The following CACNA1G variants were observed in gnomAD, a reference collection of about 807,000 sequenced individuals.
CACNA1G encodes the protein calcium voltage-gated channel subunit alpha1 G.
CACNA1G carries 67 observed loss-of-function variants against 219.4 expected under a neutral mutation model. That is an observed-to-expected ratio of 0.31 (90% CI 0.25 to 0.37). The LOEUF (loss-of-function observed/expected upper bound fraction) is 0.37, where lower values mean the gene tolerates loss of function less well. Among genes scored for constraint, CACNA1G ranks in the 10% least tolerant of loss-of-function variants. The probability of loss-of-function intolerance (pLI) is 1.00; values close to 1 mark genes in which losing one functional copy is unlikely to be tolerated. For synonymous variants in CACNA1G, 1,296 were observed against 1,345.3 expected (o/e 0.96, Z 0.80); for missense variants, 2,380 against 3,231.4 (o/e 0.74, Z 6.39).
Position 50,572,091 on chromosome 17 carries a change from AC to A in CACNA1G, c.746+61del, listed in dbSNP as rs896791789. On this transcript the variant is annotated intron_variant, in intron 5 of 37. Transcript: ENST00000359106. ...CCTGGGAGTGGTTATGGGGCTGGGC[AC>A]CCCCCCAAGTTCCTCACTTCCGGTT... 63 of 1,560,406 alleles carry A rather than the reference AC, an allele frequency of 4.0e-5. No individual in the cohort carries two copies. The Middle Eastern group carries it at 1.0e-3, about 25-fold the overall frequency.
intron 22 of CACNA1G, among the ~76,000 whole-genome samples, chr17:50,605,310 C>T (rs1237063338): frequency 1.3e-5 from 2 of 152,284 alleles, no homozygotes; most frequent in East Asian, 1.9e-4. Flanking sequence ...GACCTGGGTT[C>T]GAGCTCCCTT....
At chr17:50,579,257 A>G (rs1198195791) in intron 9 of CACNA1G, among the ~76,000 whole-genome samples, 1 of 152,182 alleles carries the variant, frequency 6.6e-6, no homozygotes, top group Non-Finnish European at 1.5e-5. Context: ...GCTGTCTTCA[A>G]ATATTTGAAG....
At chr17:50,623,184 C>G (rs945114466) in intron 35 of CACNA1G, among the ~76,000 whole-genome samples, 12 of 149,058 alleles carry the variant, frequency 8.1e-5, no homozygotes, top group African/African-American at 2.7e-4. Flanking sequence ...TAGCTTTGAC[C>G]CCCCCGGCTC....
At chr17:50,565,382 T>TGAG (rs1555632629) in intron 1 of CACNA1G, among the ~76,000 whole-genome samples, 4,775 of 113,232 alleles carry the variant, frequency 0.042, 123 homozygotes, top group Non-Finnish European at 0.056. Context: ...GCTTGTGGGG[T>TGAG]GGGGCGGGGG....
rs1597890004 is a variant in CACNA1G, at chr17:50,560,965, T to A, written c.-495T>A. 1.9e-5 allele frequency: 1 copy of A among 53,234 alleles called. No homozygotes were observed. Among genetic ancestry groups the A allele is most frequent in the Non-Finnish European group, 3.2e-5 (1 of 31,398 alleles). The allele number at this position is 53,234 out of a possible 1,614,324, so 3.3% of individuals were successfully genotyped here. On this transcript the variant is annotated 5_prime_UTR_variant, in exon 1 of 38. Transcript: ENST00000359106. ...CCAAGCCCACCCCTAAAGAGATCCC[T>A]CCTCCCCTCCCCCGCCGCCTGGCGC...
At chr17:50,580,332 C>T (rs557946136) in intron 9 of CACNA1G, among the ~76,000 whole-genome samples, 1 of 152,100 alleles carries the variant, frequency 6.6e-6, no homozygotes, top group African/African-American at 2.4e-5. Flanking sequence ...TCCCATTACT[C>T]AGGCTCCCTG....
Position 50,626,392 on chromosome 17 carries a change from A to G in CACNA1G, c.6775A>G (p.Thr2259Ala), listed in dbSNP as rs1256508579. Residue 2259 changes from threonine to alanine, a missense_variant, in exon 38 of 38, where the codon ACG (threonine) becomes GCG (alanine). Physicochemically the swap from Thr to Ala is moderately conservative, Grantham distance 58. Around this residue, in one of 17 missense-constraint regions of CACNA1G, gnomAD observed 672 missense variants for 670.5 expected, o/e 1.00. Transcript: ENST00000359106. This position sits in a 1 kb window ranked among gnomAD's most constrained non-coding sequence, Gnocchi z 4.3. ...VEAQSCQRRP[T>A]SWLDEQRRHS... ...GGCCCAGAGCTGCCAGCGCCGGCCT[A>G]CGTCCTGGCTGGATGAGCAGAGGAG... The G allele has an allele frequency of 2.5e-6, 4 of 1,611,694 alleles. No homozygotes were observed. Among genetic ancestry groups the G allele is most frequent in the African/African-American group, 1.3e-5 (1 of 74,888 alleles).
In CACNA1G at chr17:50,617,875, G is replaced by A; in HGVS notation, c.5172G>A (p.Lys1724=). The stretch of plus-strand genomic sequence containing the variant: ...GTTCTGCAGTGCTGAAGCTGCTGAA[G>A]ATGGCTGTGGGCATGCGGGCGCTGC... ...LRIARVLKLL[K]MAVGMRALLD... is the part of the protein sequence containing the mutation. Residue 1724 remains lysine, a synonymous_variant, in exon 30 of 38, where the codon AAG becomes AAA. Coordinates refer to ENST00000359106, the MANE Select transcript of CACNA1G (RefSeq NM_018896.5). The surrounding 1 kb of genome is among the most constrained non-coding windows in gnomAD (Gnocchi z 5.8). 1 of 1,613,742 alleles carries A rather than the reference G, an allele frequency of 6.2e-7. No homozygotes were observed. Among genetic ancestry groups the A allele is most frequent in the South Asian group, 1.1e-5 (1 of 91,070 alleles).
chr17:50,601,120 C>T lies in CACNA1G; in HGVS notation c.3861C>T (p.Phe1287=). The T allele has an allele frequency of 1.9e-6, 3 of 1,613,976 alleles. No homozygotes were observed. The highest frequency in any genetic ancestry group is 2.2e-5 in the South Asian group (2 of 91,086). The stretch of plus-strand genomic sequence containing the variant: ...ACCACGTGGTCCTTGTCATCATCTT[C>T]CTTAACTGCATCACCATCGCCATGG... ...MFDHVVLVII[F]LNCITIAMER... The change falls in exon 19 of 38, where the codon TTC becomes TTT. Residue 1287 remains phenylalanine (F), a synonymous_variant. Coordinates refer to ENST00000359106, the MANE Select transcript of CACNA1G (RefSeq NM_018896.5).
At chr17:50,561,987 G>T (rs897401005) in intron 1 of CACNA1G, 3 of 377,302 alleles carry the variant, frequency 8.0e-6, no homozygotes, top group Non-Finnish European at 1.4e-5. Flanking sequence ...GCTGTGCCCC[G>T]CTGGCTCGCA....
At position 50,572,617 on chromosome 17, in the gene CACNA1G, C is replaced by T. The variant is rs746779568; in HGVS notation, c.810C>T (p.Ile270=). 7.5e-6 allele frequency: 12 copies of T among 1,593,732 alleles called. No individual in the cohort carries two copies. The highest frequency in any genetic ancestry group is 3.4e-6 in the Non-Finnish European group (4 of 1,170,508). Reference sequence around the variant, plus strand: ...AGAACGAGGATGAGAGCCCCTTCATCTGCTCCCAGCCACGCGAGAACGGCA... The same window carrying T: ...AGAACGAGGATGAGAGCCCCTTCATTTGCTCCCAGCCACGCGAGAACGGCA... ...QTENEDESPF[I]CSQPRENGMR... The change falls in exon 6 of 38, where the codon ATC becomes ATT. Residue 270 remains isoleucine, a synonymous_variant. Coordinates refer to ENST00000359106, the MANE Select transcript of CACNA1G (RefSeq NM_018896.5).
rs2053972795 is a variant in CACNA1G, at chr17:50,627,376, A to AT, written c.*629dup. 5.1e-6 allele frequency: 2 copies of AT among 391,272 alleles called. No individual in the cohort carries two copies. Among genetic ancestry groups the AT allele is most frequent in the Admixed American group, 3.5e-5 (1 of 28,202 alleles). 24.2% of individuals were successfully genotyped at this position (391,272 alleles called of 1,614,324 possible). On this transcript the variant is annotated 3_prime_UTR_variant, in exon 38 of 38. Transcript: ENST00000359106. ...AAAAAAAAGAAAAAGAAAAAATGAG[A>AT]TTTTACAAGTGAAATGGAACCTTTT...
In CACNA1G at chr17:50,603,799, C is replaced by T. The variant is rs1411288447; in HGVS notation, c.4170-356C>T. ...TCCATCTCCCTCTGCCCCTTCCCCT[C>T]TCTGCCTGCTCCCCTACAAGTTTAT... On this transcript the variant is annotated intron_variant, in intron 21 of 37. Coordinates refer to ENST00000359106, the MANE Select transcript of CACNA1G (RefSeq NM_018896.5). This position sits in a 1 kb window ranked among gnomAD's most constrained non-coding sequence, Gnocchi z 6.4. Among the ~76,000 whole-genome samples the T allele has an allele frequency of 6.6e-6, 1 of 152,032 alleles. No individual in the cohort carries two copies. Among genetic ancestry groups the T allele is most frequent in the South Asian group, 2.1e-4 (1 of 4,822 alleles).
At chr17:50,587,555 G>A (rs548046545) in intron 9 of CACNA1G, among the ~76,000 whole-genome samples, 4 of 152,384 alleles carry the variant, frequency 2.6e-5, no homozygotes, top group African/African-American at 4.8e-5. Flanking sequence ...GGCTATCTGG[G>A]GGAGGAGGGC....
chr17:50,591,669 G>A (rs1367401808), intron 11 of CACNA1G, 49 bp downstream of exon 11: 1 of 1,609,786 alleles, frequency 6.2e-7, no homozygotes, highest in Admixed American at 1.7e-5. Context: ...CCAGGCTGGG[G>A]GCAGGAGGGC....
At chr17:50,616,004 G>A (rs1489106358) in intron 27 of CACNA1G, among the ~76,000 whole-genome samples, 3 of 152,190 alleles carry the variant, frequency 2.0e-5, no homozygotes, top group Non-Finnish European at 2.9e-5. Flanking sequence ...CTGGCATGCC[G>A]TGTCATCTAG....
At chr17:50,619,870 G>GGCTGTGCCAC in intron 34 of CACNA1G, 44 bp downstream of exon 34, 4 of 1,551,904 alleles carry the variant, frequency 2.6e-6, no homozygotes, top group Non-Finnish European at 3.5e-6. Flanking sequence ...GACCGTGCTG[G>GGCTGTGCCAC]GCTGTGCCAC....
rs9897406 is a variant in CACNA1G at position 50,575,881 on chromosome 17, C to T, written c.1479C>T (p.His493=). ...CCCACCGCCGCCTATCCGTCCACCA[C>T]CTGGTGCACCACCACCACCACCATC... ...SRSHRRLSVH[H]LVHHHHHHHH... is the part of the protein sequence containing the mutation. The change falls in exon 8 of 38, where the codon CAC becomes CAT. Residue 493 remains histidine, a synonymous_variant. Coordinates refer to ENST00000359106, the MANE Select transcript of CACNA1G (RefSeq NM_018896.5). 5,779 of 1,555,546 alleles carry T rather than the reference C, an allele frequency of 3.7e-3. 182 individuals are homozygous for T. In the African/African-American group the frequency reaches 0.066, roughly 18 times the overall value.
intron 9 of CACNA1G, among the ~76,000 whole-genome samples, chr17:50,579,044 T>C (rs9900193): frequency 6.6e-6 from 1 of 151,856 alleles, no homozygotes. Flanking sequence ...TGCGCCTGGG[T>C]GGAATGAAGG....
Sources: gnomAD v4.1 joint callset for allele counts (sites outside exome capture counted in the v4.1 genomes callset) on GRCh38, gnomAD v4.1.1 for gene constraint, gnomAD v4.1.1 regional missense constraint, Gnocchi (gnomAD v3.1) non-coding constraint, MANE v1.5 for transcripts, NCBI Gene and HGNC (gene_info 2026-07-23, HGNC 2026-07-21) for gene names.